EVC2: variants seen among roughly 807,000 people sequenced by gnomAD.
EVC2 encodes the protein EvC ciliary complex subunit 2.
In EVC2, 148 loss-of-function variants were observed where a neutral mutation model predicts 149.3. The observed-to-expected ratio is 0.99, with a 90% CI of 0.87 to 1.14. The LOEUF is 1.14. Among genes scored for constraint, EVC2 ranks in the 50% most tolerant of loss-of-function variants. EVC2 has a pLI of 0.00. For missense variants in EVC2, 1,854 were observed against 1,627.3 expected, an observed-to-expected ratio of 1.14 and a Z score of -2.40; for synonymous variants, 776 against 649.9, an observed-to-expected ratio of 1.19 and a Z score of -2.95.
rs533473467 is a variant in EVC2, at chr4:5,615,609, C to G, written c.2707-65G>C. 6.2e-6 allele frequency: 10 copies of G among 1,612,254 alleles called. No homozygotes were observed. In the African/African-American group the frequency reaches 1.2e-4, roughly 19 times the overall value. Reference sequence around the variant, plus strand: ...CACCAGCAAGTCCATGCAGCTCCCCCGAGGGCTTTGCAGGTCAAGAGAAGT... The same window carrying G: ...CACCAGCAAGTCCATGCAGCTCCCCGGAGGGCTTTGCAGGTCAAGAGAAGT... On this transcript the variant is annotated intron_variant, in intron 15 of 21. Coordinates refer to ENST00000344408, the MANE Select transcript of EVC2 (RefSeq NM_147127.5).
chr4:5,608,573 G>A (rs570247335), intron 16 of EVC2, among the ~76,000 whole-genome samples: 12 of 151,258 alleles, frequency 7.9e-5, no homozygotes, highest in South Asian at 4.3e-4. Flanking sequence ...TCGGTCGGTC[G>A]TCCAGGCTGG....
At chr4:5,598,657 G>A (rs1377501986) in intron 16 of EVC2, among the ~76,000 whole-genome samples, 3 of 152,088 alleles carry the variant, frequency 2.0e-5, no homozygotes, top group Admixed American at 6.5e-5. Flanking sequence ...ACATAGGCAT[G>A]GGCAAGGACT....
intron 17 of EVC2, among the ~76,000 whole-genome samples, chr4:5,579,474 G>T (rs889477324): frequency 9.8e-5 from 15 of 152,294 alleles, no homozygotes; most frequent in African/African-American, 3.4e-4. Flanking sequence ...AGCGAAAGGT[G>T]GAAAGCAGAA....
chr4:5,697,457 G>T, intron 2 of EVC2, 136 bp downstream of exon 2: 1 of 855,194 alleles, frequency 1.2e-6, no homozygotes, highest in South Asian at 1.5e-5. Context: ...GTAAGGTCAG[G>T]GAATGATCTA....
Position 5,637,664 on chromosome 4 carries a change from C to T in EVC2, c.1470+2850G>A, listed in dbSNP as rs1716976856. Among the ~76,000 whole-genome samples the T allele has an allele frequency of 6.6e-6, 1 of 152,134 alleles. No homozygotes were observed. Among genetic ancestry groups the T allele is most frequent in the Non-Finnish European group, 1.5e-5 (1 of 68,022 alleles). ...AAAAATAAATGGATAAAGCAAAAGG[C>T]TAAAATGTATGCTGGCAACTGAGGG... On this transcript the variant is annotated intron_variant, in intron 10 of 21. Transcript: ENST00000344408. The surrounding 1 kb of genome is among the most constrained non-coding windows in gnomAD (Gnocchi z 4.4).
intron 16 of EVC2, among the ~76,000 whole-genome samples, chr4:5,590,210 G>A (rs1712660990): frequency 6.6e-6 from 1 of 152,162 alleles, no homozygotes; most frequent in Non-Finnish European, 1.5e-5. Context: ...AACTGTCAGG[G>A]ACAAGAAGGC....
intron 8 of EVC2, among the ~76,000 whole-genome samples, chr4:5,664,542 G>C (rs902464369): frequency 6.6e-6 from 1 of 152,172 alleles, no homozygotes; most frequent in Non-Finnish European, 1.5e-5. Context: ...TACAAGGTCT[G>C]ATTAGATGGG....
rs1384345489 is a variant in EVC2, at chr4:5,708,348, A to G, written c.166T>C (p.Ser56Pro). 7 of 1,485,846 alleles carry G rather than the reference A, an allele frequency of 4.7e-6. No homozygotes were observed. Among genetic ancestry groups the G allele is most frequent in the Non-Finnish European group, 5.3e-6 (6 of 1,124,222 alleles). The allele number at this position is 1,485,846 out of a possible 1,614,324, so 92.0% of individuals were successfully genotyped here. Residue 56 changes from serine (S) to proline (P), a missense_variant, in exon 1 of 22, where the codon TCT (serine) becomes CCT (proline). Coordinates refer to ENST00000344408, the MANE Select transcript of EVC2 (RefSeq NM_147127.5). ...PPRDPQVAPRSGPGLRIPPGR... is the reference protein window; with the variant it reads ...PPRDPQVAPRPGPGLRIPPGR... The stretch of plus-strand genomic sequence containing the variant: ...GGAGGGATCCTCAGGCCGGGCCCAG[A>G]CCTAGGAGCCACCTGGGGATCCCGG...
At chr4:5,665,458 G>A in intron 8 of EVC2, 57 bp downstream of exon 8, 1 of 1,612,272 alleles carries the variant, frequency 6.2e-7, no homozygotes, top group South Asian at 1.1e-5. Flanking sequence ...CAGAACTGGG[G>A]GATGAACTTC....
intron 19 of EVC2, among the ~76,000 whole-genome samples, chr4:5,572,242 G>A (rs951268919): frequency 6.6e-6 from 1 of 152,146 alleles, no homozygotes; most frequent in African/African-American, 2.4e-5. Context: ...CAGAGCTTCC[G>A]GTCTGGCAGT....
chr4:5,618,517 G>T lies in EVC2; in HGVS notation c.2667C>A (p.Phe889Leu). The change falls in exon 15 of 22, where the codon TTC becomes TTA. Residue 889 changes from phenylalanine to leucine, a missense_variant. Coordinates refer to ENST00000344408, the MANE Select transcript of EVC2 (RefSeq NM_147127.5). The surrounding 1 kb of genome is among the most constrained non-coding windows in gnomAD (Gnocchi z 4.4). Reference protein sequence around the residue: ...QFQTAWREAEFVKLDQAVAAP... With the variant: ...QFQTAWREAELVKLDQAVAAP... ...CAGCCACGGCCTGGTCCAGCTTCAC[G>T]AACTCTGCTTCTCGCCACGCAGTCT... is the stretch of plus-strand genomic sequence containing the variant. 6.2e-7 allele frequency: 1 copy of T among 1,613,846 alleles called. No homozygotes were observed.
intron 5 of EVC2, among the ~76,000 whole-genome samples, chr4:5,687,647 G>C (rs946354078): frequency 6.6e-6 from 1 of 152,152 alleles, no homozygotes; most frequent in East Asian, 1.9e-4. Flanking sequence ...AAAGAATAGA[G>C]ATGATTTGTA....
At chr4:5,626,331 GTTTTT>G (rs34539817) in intron 12 of EVC2, among the ~76,000 whole-genome samples, 1 of 124,654 alleles carries the variant, frequency 8.0e-6, no homozygotes, top group Admixed American at 8.8e-5. Flanking sequence ...CGTTCTTCTT[GTTTTT>G]TTTTTTTTTT....
intron 16 of EVC2, among the ~76,000 whole-genome samples, chr4:5,604,598 T>C (rs989197398): frequency 6.6e-6 from 1 of 151,968 alleles, no homozygotes; most frequent in Non-Finnish European, 1.5e-5. Context: ...AAACATACAG[T>C]TAGATAGAAG....
At chr4:5,564,685 A>C (rs1722158035) in intron 21 of EVC2, among the ~76,000 whole-genome samples, 1 of 152,230 alleles carries the variant, frequency 6.6e-6, no homozygotes, top group African/African-American at 2.4e-5. Context: ...GACATTGGAC[A>C]ATGGTTTGCA....
chr4:5,708,810 C>T (rs1043128216), upstream of EVC2: 3 of 309,482 alleles, frequency 9.7e-6, no homozygotes, highest in African/African-American at 6.5e-5. Context: ...ACCCCAAGGG[C>T]CCCTCCGCTA....
chr4:5,633,827 G>T lies in EVC2; in HGVS notation c.1471-1795C>A, dbSNP rs1346665283. Among the ~76,000 whole-genome samples, 1 of 152,326 alleles carries T rather than the reference G, an allele frequency of 6.6e-6. No homozygotes were observed. Among genetic ancestry groups the T allele is most frequent in the East Asian group, 1.9e-4 (1 of 5,180 alleles). On this transcript the variant is annotated intron_variant, in intron 10 of 21. Transcript: ENST00000344408. This position sits in a 1 kb window ranked among gnomAD's most constrained non-coding sequence, Gnocchi z 4.4. ...CTGGTTTCAGTAAATAGCATCACTT[G>T]CTCCCCAATTTCCCAAGTCACAGAC...
rs981092755 is a variant in EVC2 at position 5,614,999 on chromosome 4, C to CA, written c.2829+422dup. On this transcript the variant is annotated intron_variant, in intron 16 of 21. Coordinates refer to ENST00000344408, the MANE Select transcript of EVC2 (RefSeq NM_147127.5). This position sits in a 1 kb window ranked among gnomAD's most constrained non-coding sequence, Gnocchi z 4.7. Reference sequence around the variant, plus strand: ...TTCAAAAAAACCAAAACCAAACAAACAAAAAAAAATGGGGCTGAAGGGAGA... The same window carrying CA: ...TTCAAAAAAACCAAAACCAAACAAACAAAAAAAAAATGGGGCTGAAGGGAGA... Among the ~76,000 whole-genome samples the CA allele has an allele frequency of 2.3e-4, 35 of 150,470 alleles. No individual in the cohort carries two copies. The highest frequency in any genetic ancestry group is 7.9e-4 in the Admixed American group (12 of 15,102).
At position 5,708,436 on chromosome 4, in the gene EVC2, C is replaced by G; in HGVS notation, c.78G>C (p.Gly26=). The G allele has an allele frequency of 6.6e-7, 1 of 1,505,820 alleles. No individual in the cohort carries two copies. Among genetic ancestry groups the G allele is most frequent in the Admixed American group, 2.1e-5 (1 of 48,288 alleles). The allele number at this position is 1,505,820 out of a possible 1,614,324, so 93.3% of individuals were successfully genotyped here. A position where few individuals can be genotyped will look rare whatever the true frequency, so the allele number is the denominator to read the frequency against. ...AGCTGGCGCCGAGACAGCCTCGGCCCCCCAGCGCCAGGGCCACTGCCAGGA... is the reference window on the plus strand; with the variant it reads ...AGCTGGCGCCGAGACAGCCTCGGCCGCCCAGCGCCAGGGCCACTGCCAGGA... The part of the protein sequence containing the change: ...GGLLAVALAL[G]GRGCLGASSR... The change falls in exon 1 of 22, where the codon GGG becomes GGC. Residue 26 remains glycine (G), a synonymous_variant. Coordinates refer to ENST00000344408, the MANE Select transcript of EVC2 (RefSeq NM_147127.5).
Sources: gnomAD v4.1 joint callset for allele counts (sites outside exome capture counted in the v4.1 genomes callset) on GRCh38, gnomAD v4.1.1 for gene constraint, Gnocchi (gnomAD v3.1) non-coding constraint, MANE v1.5 for transcripts, NCBI Gene and HGNC (gene_info 2026-07-23, HGNC 2026-07-21) for gene names.